Variants in TIAM2 observed in about 807,000 individuals in gnomAD.
TIAM2 encodes TIAM Rac1 associated GEF 2, also known as rho guanine nucleotide exchange factor TIAM2.
A neutral mutation model predicts 152.9 loss-of-function variants in TIAM2; 80 were observed. That is an observed-to-expected ratio of 0.52 (90% CI 0.44 to 0.63). TIAM2 has a LOEUF of 0.63. Among genes scored for constraint, TIAM2 ranks in the 30% least tolerant of loss-of-function variants. The pLI, the probability that TIAM2 is intolerant of heterozygous loss-of-function variation, is 0.00. For synonymous variants in TIAM2, 804 were observed against 838.0 expected (o/e 0.96, Z 0.70); for missense variants, 1,965 against 2,120.1 (o/e 0.93, Z 1.44).
At chr6:155,149,296 A>T (rs1779892772) in intron 7 of TIAM2, 1 of 167,060 alleles carries the variant, frequency 6.0e-6, no homozygotes, top group Admixed American at 6.5e-5. Flanking sequence ...TTGAAGGGGG[A>T]ATCCGGGTGA....
At chr6:155,191,361 G>C (rs954335017) in intron 14 of TIAM2, among the ~76,000 whole-genome samples, 1 of 152,202 alleles carries the variant, frequency 6.6e-6, no homozygotes, top group Non-Finnish European at 1.5e-5. Flanking sequence ...TGCCTGGCAC[G>C]TAGTAAATGC....
intron 20 of TIAM2, among the ~76,000 whole-genome samples, chr6:155,248,923 G>A (rs571643283): frequency 5.9e-5 from 9 of 152,266 alleles, no homozygotes; most frequent in East Asian, 1.9e-4. Flanking sequence ...TGAGAAGAGC[G>A]TAAATTAAAC....
chr6:155,151,621 T>C (rs1779971891), intron 7 of TIAM2, among the ~76,000 whole-genome samples: 2 of 152,120 alleles, frequency 1.3e-5, no homozygotes. Flanking sequence ...GTTTTTAAGC[T>C]GAGGACAAAG....
chr6:155,165,111 A>G (rs957245173), intron 8 of TIAM2, 152 bp from the exon 9 acceptor site: 51 of 802,142 alleles, frequency 6.4e-5, no homozygotes, highest in Non-Finnish European at 8.5e-5. Context: ...AGAGTGGTCT[A>G]TATGATGGAT....
At chr6:155,224,044 C>T (rs565874699) in intron 15 of TIAM2, among the ~76,000 whole-genome samples, 19 of 152,294 alleles carry the variant, frequency 1.2e-4, no homozygotes, top group African/African-American at 4.3e-4. Context: ...TCCCCTTCAC[C>T]GAGGCCTGCT....
chr6:155,031,382 AT>A (rs1373358351), intron 1 of TIAM2, among the ~76,000 whole-genome samples: 3 of 152,122 alleles, frequency 2.0e-5, no homozygotes, highest in Non-Finnish European at 4.4e-5. Context: ...TATCTGTAAT[AT>A]TTTTTAGTAG....
chr6:155,060,989 A>G (rs1583172434), intron 1 of TIAM2, among the ~76,000 whole-genome samples: 2 of 149,344 alleles, frequency 1.3e-5, no homozygotes, highest in African/African-American at 2.6e-5. Flanking sequence ...TACCTGGTTC[A>G]TCTTCAATTT....
rs373331345 is a variant in TIAM2 at position 155,240,513 on chromosome 6, C to T, written c.3169-17C>T. 66 of 1,592,574 alleles carry T rather than the reference C, an allele frequency of 4.1e-5. No individual in the cohort carries two copies. The highest frequency in any genetic ancestry group is 2.3e-5 in the Non-Finnish European group (27 of 1,164,708). On this transcript the variant is annotated splice_polypyrimidine_tract_variant and intron_variant, in intron 15 of 26. Transcript: ENST00000682666. ...GAGAGGCCCGTGCATTATTTTCCAC[C>T]TCTTGTCCTCTCTCAGAGTGCTGAG...
At chr6:155,058,356 C>T (rs994801208) in intron 1 of TIAM2, among the ~76,000 whole-genome samples, 2 of 152,126 alleles carry the variant, frequency 1.3e-5, no homozygotes, top group African/African-American at 4.8e-5. Context: ...GTTAGTTCCC[C>T]AGATGATTTT....
At chr6:155,246,970 C>T (rs1002748143) in intron 19 of TIAM2, among the ~76,000 whole-genome samples, 4 of 152,216 alleles carry the variant, frequency 2.6e-5, no homozygotes, top group African/African-American at 4.8e-5. Flanking sequence ...CCGCTGGTAC[C>T]CAAACCAAAT....
chr6:155,062,581 C>CTTTTTTTTT (rs151244455), intron 1 of TIAM2, among the ~76,000 whole-genome samples: 1 of 143,268 alleles, frequency 7.0e-6, no homozygotes, highest in Admixed American at 7.0e-5. Context: ...TTTTCTTTTT[C>CTTTTTTTTT]TTTTCTTTTT....
intron 2 of TIAM2, among the ~76,000 whole-genome samples, chr6:155,108,143 C>T (rs1171984380): frequency 1.3e-5 from 2 of 152,110 alleles, no homozygotes. Flanking sequence ...ATACTTTCAG[C>T]ATTATGAGGT....
intron 7 of TIAM2, among the ~76,000 whole-genome samples, chr6:155,151,023 C>T (rs1038938504): frequency 2.0e-5 from 3 of 152,162 alleles, no homozygotes; most frequent in Non-Finnish European, 4.4e-5. Context: ...AGGAACAAGT[C>T]GGGGATCTTA....
At chr6:155,071,482 T>G (rs532424051) in intron 1 of TIAM2, among the ~76,000 whole-genome samples, 2 of 152,356 alleles carry the variant, frequency 1.3e-5, no homozygotes, top group Admixed American at 1.3e-4. Context: ...CAGGCAGAGC[T>G]GAGCAAAGAC....
chr6:155,244,536 T>C (rs2115325156), intron 17 of TIAM2, 122 bp from the exon 18 acceptor site: 2 of 1,236,378 alleles, frequency 1.6e-6, no homozygotes, highest in East Asian at 2.4e-5. Context: ...CTTAAAGGAT[T>C]TACTTTCTGT....
intron 1 of TIAM2, among the ~76,000 whole-genome samples, chr6:155,081,369 A>C (rs867046505): frequency 2.0e-5 from 3 of 150,890 alleles, no homozygotes; most frequent in Non-Finnish European, 4.4e-5. Flanking sequence ...GAAAGGGATC[A>C]TTGGTCACAC....
intron 14 of TIAM2, among the ~76,000 whole-genome samples, chr6:155,203,287 T>A (rs559376959): frequency 5.9e-5 from 9 of 152,280 alleles, no homozygotes; most frequent in Admixed American, 2.0e-4. Context: ...ACATTTGTAC[T>A]TTTTTTAAAA....
chr6:155,113,836 C>A (rs1778923165), intron 2 of TIAM2, among the ~76,000 whole-genome samples: 1 of 151,520 alleles, frequency 6.6e-6, no homozygotes, highest in South Asian at 2.1e-4. Flanking sequence ...TGCTGTATCC[C>A]CAGGGCTTAG....
chr6:155,059,982 C>T (rs1406826002), intron 1 of TIAM2, among the ~76,000 whole-genome samples: 1 of 152,212 alleles, frequency 6.6e-6, no homozygotes, highest in Admixed American at 6.5e-5. Context: ...AGATATACTG[C>T]ATTGTAAATA....
Sources: gnomAD v4.1 joint callset for allele counts (sites outside exome capture counted in the v4.1 genomes callset) on GRCh38, gnomAD v4.1.1 for gene constraint, MANE v1.5 for transcripts, NCBI Gene and HGNC (gene_info 2026-07-23, HGNC 2026-07-21) for gene names.